HSDL2: variants seen among roughly 807,000 people sequenced by gnomAD.
HSDL2 encodes hydroxysteroid dehydrogenase-like protein 2.
Under a neutral mutation model 46.3 loss-of-function variants are expected in HSDL2, and 27 were observed. The observed-to-expected ratio is 0.58, with a 90% CI of 0.43 to 0.80. The LOEUF is 0.80. Ranked by LOEUF, HSDL2 falls within the 30% of genes least tolerant of loss-of-function variation. The pLI is 0.00. For synonymous variants in HSDL2, 153 were observed against 163.6 expected, an observed-to-expected ratio of 0.94 and a Z score of 0.50; for missense variants, 451 against 502.7, an observed-to-expected ratio of 0.90 and a Z score of 0.98.
At chr9:112,387,671 G>A (rs924721993) in intron 1 of HSDL2, among the ~76,000 whole-genome samples, 2 of 152,152 alleles carry the variant, frequency 1.3e-5, no homozygotes, top group African/African-American at 4.8e-5. Flanking sequence ...GGTTGCAAGG[G>A]AAGGAATAGT....
intron 7 of HSDL2, among the ~76,000 whole-genome samples, chr9:112,438,991 A>C (rs1832587459): frequency 6.6e-6 from 1 of 152,098 alleles, no homozygotes; most frequent in African/African-American, 2.4e-5. Flanking sequence ...ATGGTACAGT[A>C]GTGGGTTATG....
intron 1 of HSDL2, among the ~76,000 whole-genome samples, chr9:112,399,910 C>G (rs918745147): frequency 2.6e-5 from 4 of 152,210 alleles, no homozygotes; most frequent in Admixed American, 6.5e-5. Flanking sequence ...ACACAATTAT[C>G]ACAGTGGTCC....
intron 4 of HSDL2, among the ~76,000 whole-genome samples, chr9:112,413,372 G>C (rs1196721908): frequency 6.6e-6 from 1 of 152,038 alleles, no homozygotes; most frequent in Non-Finnish European, 1.5e-5. Context: ...AGCTACTCGG[G>C]AGGCTGAGGC....
intron 8 of HSDL2, among the ~76,000 whole-genome samples, chr9:112,448,472 G>C (rs895668750): frequency 7.2e-5 from 11 of 151,948 alleles, no homozygotes; most frequent in African/African-American, 2.7e-4. Context: ...TTTTAAATAT[G>C]GTAAATGGGT....
intron 1 of HSDL2, among the ~76,000 whole-genome samples, chr9:112,398,446 G>A (rs1320598143): frequency 1.3e-5 from 2 of 152,032 alleles, no homozygotes; most frequent in Non-Finnish European, 2.9e-5. Context: ...GGAGCTACAA[G>A]TACCGGCTCC....
chr9:112,466,515 T>C (rs1462920137), intron 10 of HSDL2, among the ~76,000 whole-genome samples: 2 of 149,816 alleles, frequency 1.3e-5, no homozygotes, highest in African/African-American at 4.9e-5. Context: ...ATCACGCCAT[T>C]GCACTCTAGC....
intron 1 of HSDL2, among the ~76,000 whole-genome samples, chr9:112,389,789 G>T (rs564955018): frequency 5.3e-4 from 80 of 152,294 alleles, no homozygotes; most frequent in African/African-American, 1.8e-3. Context: ...TGTGGGCCGG[G>T]CGTGGTGGCT....
chr9:112,442,933 T>A (rs1832673302), intron 8 of HSDL2, among the ~76,000 whole-genome samples: 1 of 152,152 alleles, frequency 6.6e-6, no homozygotes, highest in Non-Finnish European at 1.5e-5. Context: ...ATTACTTAGG[T>A]AATAAAAAGG....
At chr9:112,454,320 T>C (rs1288339001) in intron 9 of HSDL2, among the ~76,000 whole-genome samples, 158 bp downstream of exon 9, 1 of 152,158 alleles carries the variant, frequency 6.6e-6, no homozygotes, top group Non-Finnish European at 1.5e-5. Context: ...ACCATAACTA[T>C]TGATTTGTTT....
intron 1 of HSDL2, among the ~76,000 whole-genome samples, chr9:112,388,159 A>G (rs1831257288): frequency 1.3e-5 from 2 of 150,502 alleles, no homozygotes; most frequent in Admixed American, 1.3e-4. Context: ...AGCCTGTCTC[A>G]GAAAAAAACA....
chr9:112,414,984 AG>A (rs939743202), intron 4 of HSDL2, among the ~76,000 whole-genome samples: 68 of 152,252 alleles, frequency 4.5e-4, no homozygotes, highest in African/African-American at 1.6e-3. Context: ...ACAAGTTCAG[AG>A]TCCTAGAAGT....
chr9:112,434,486 T>A (rs1430026144), intron 6 of HSDL2, among the ~76,000 whole-genome samples: 2 of 152,260 alleles, frequency 1.3e-5, no homozygotes, highest in Non-Finnish European at 2.9e-5. Context: ...ACCATTTTCA[T>A]TGATTCTGAC....
rs1166222944 is a variant in HSDL2, at chr9:112,428,782, A to AT, written c.599-9648dup. ...CCCTTTCTCAATTACCCTTCCTCAC[A>AT]TCACTGTTGTCATTAAAGTTGATAC... On this transcript the variant is annotated intron_variant, in intron 6 of 10. Transcript: ENST00000398805. 3.9e-5 allele frequency among the ~76,000 whole-genome samples: 6 copies of AT among 152,312 alleles called. No individual in the cohort carries two copies. In the East Asian group the frequency reaches 1.2e-3, roughly 29 times the overall value.
intron 3 of HSDL2, among the ~76,000 whole-genome samples, chr9:112,408,226 G>A (rs1345487417): frequency 6.6e-6 from 1 of 152,098 alleles, no homozygotes; most frequent in Non-Finnish European, 1.5e-5. Flanking sequence ...ATGCTAGAGA[G>A]GAAGAAAGAC....
intron 8 of HSDL2, among the ~76,000 whole-genome samples, chr9:112,452,750 A>C (rs1422989424): frequency 6.6e-6 from 1 of 152,194 alleles, no homozygotes; most frequent in Non-Finnish European, 1.5e-5. Context: ...TCTCAAAAAT[A>C]AATAAAGGAA....
At chr9:112,389,696 T>C (rs1265749309) in intron 1 of HSDL2, among the ~76,000 whole-genome samples, 1 of 152,198 alleles carries the variant, frequency 6.6e-6, no homozygotes, top group Non-Finnish European at 1.5e-5. Flanking sequence ...TCTTTCCACT[T>C]TGAATTATAG....
At chr9:112,446,667 A>G (rs1444983765) in intron 8 of HSDL2, among the ~76,000 whole-genome samples, 3 of 150,826 alleles carry the variant, frequency 2.0e-5, no homozygotes, top group Non-Finnish European at 4.4e-5. Flanking sequence ...CACAAAAACT[A>G]CTCTCTCCTG....
chr9:112,460,101 A>C (rs757118258), intron 10 of HSDL2, among the ~76,000 whole-genome samples: 1 of 152,232 alleles, frequency 6.6e-6, no homozygotes, highest in Non-Finnish European at 1.5e-5. Flanking sequence ...ACTGTGCCAG[A>C]AAATTAAGGA....
intron 7 of HSDL2, among the ~76,000 whole-genome samples, chr9:112,440,403 C>CA (rs1170006153): frequency 7.4e-4 from 102 of 137,374 alleles, no homozygotes; most frequent in South Asian, 1.2e-3. Context: ...GACCCCATGT[C>CA]AAAAAAAAAA....
Sources: gnomAD v4.1 joint callset for allele counts (sites outside exome capture counted in the v4.1 genomes callset) on GRCh38, gnomAD v4.1.1 for gene constraint, MANE v1.5 for transcripts, NCBI Gene and HGNC (gene_info 2026-07-23, HGNC 2026-07-21) for gene names.